The following MIA2 variants were observed in gnomAD, a reference collection of about 807,000 sequenced individuals.
The protein encoded by MIA2 is MIA SH3 domain ER export factor 2, also known as melanoma inhibitory activity protein 2.
MIA2 carries 127 observed loss-of-function variants against 167.8 expected under a neutral mutation model. The ratio of observed to expected loss-of-function variants is 0.76; its 90% CI spans 0.66 to 0.88. MIA2 has a LOEUF of 0.88. Ranked by LOEUF, MIA2 falls within the 40% of genes least tolerant of loss-of-function variation. The pLI is 0.00. For synonymous variants in MIA2, 552 were observed against 541.9 expected, an observed-to-expected ratio of 1.02 and a Z score of -0.26; for missense variants, 1,690 against 1,624.7, an observed-to-expected ratio of 1.04 and a Z score of -0.69.
downstream of MIA2, among the ~76,000 whole-genome samples, chr14:39,354,397 CTTG>C (rs552280483): frequency 4.6e-4 from 70 of 152,270 alleles, no homozygotes; most frequent in South Asian, 9.1e-3. Flanking sequence ...CCTTCACCCA[CTTG>C]TTGATGGGGC....
chr14:39,385,417 G>C, intron 23 of MIA2: 1 of 1,310,180 alleles, frequency 7.6e-7, no homozygotes, highest in South Asian at 1.2e-5. Flanking sequence ...TTCTGTACTT[G>C]ATGTGTTACT....
rs573281659 is a variant in MIA2, at chr14:39,273,488, G to A, written c.1888-3446G>A. 2.3e-4 allele frequency among the ~76,000 whole-genome samples: 35 copies of A among 152,178 alleles called. No individual in the cohort carries two copies. The South Asian group carries it at 6.9e-3, about 30-fold the overall frequency. On this transcript the variant is annotated intron_variant, in intron 6 of 28. Transcript: ENST00000640607. Reference sequence around the variant, plus strand: ...CCACCTCGGCCTTCTGAGTAGCTGGGACCACAGGCATGTGCCATCATGCTT... The same window carrying A: ...CCACCTCGGCCTTCTGAGTAGCTGGAACCACAGGCATGTGCCATCATGCTT...
intron 23 of MIA2, among the ~76,000 whole-genome samples, chr14:39,379,959 G>A (rs1015587539): frequency 1.3e-5 from 2 of 152,170 alleles, no homozygotes; most frequent in Admixed American, 6.5e-5. Flanking sequence ...ACCTCCTGCA[G>A]TGTGATTGCT....
chr14:39,261,957 G>A (rs1462098638), intron 6 of MIA2, among the ~76,000 whole-genome samples: 1 of 152,040 alleles, frequency 6.6e-6, no homozygotes, highest in Admixed American at 6.6e-5. Context: ...TCACTCTGAT[G>A]GTAGTTTCTT....
At chr14:39,245,394 C>CAA (rs142074391) in intron 3 of MIA2, among the ~76,000 whole-genome samples, 24 of 148,468 alleles carry the variant, frequency 1.6e-4, no homozygotes, top group African/African-American at 5.7e-4. Flanking sequence ...AGAAATATTG[C>CAA]AAAAAAAAAA....
In MIA2 at chr14:39,313,435, C is replaced by A; in HGVS notation, c.3113C>A (p.Thr1038Asn). Residue 1038 changes from threonine (T) to asparagine (N), a missense_variant, in exon 19 of 29, where the codon ACC becomes AAC. Coordinates refer to ENST00000640607, the MANE Select transcript of MIA2 (RefSeq NM_001329214.4). Reference sequence around the variant, plus strand: ...AGCCATGCCACTGAAGAGCTGGAGACCTATAGGTATTAAATACATTTTTCT... The same window carrying A: ...AGCCATGCCACTGAAGAGCTGGAGAACTATAGGTATTAAATACATTTTTCT... Reference protein sequence around the residue: ...KISHATEELETYRKRAKDLEE... With the variant: ...KISHATEELENYRKRAKDLEE... 1 of 1,571,128 alleles carries A rather than the reference C, an allele frequency of 6.4e-7. No homozygotes were observed. The highest frequency in any genetic ancestry group is 1.2e-5 in the South Asian group (1 of 84,196).
chr14:39,333,862 T>A (rs1184898404), intron 25 of MIA2, among the ~76,000 whole-genome samples: 2 of 152,188 alleles, frequency 1.3e-5, no homozygotes, highest in East Asian at 3.9e-4. Context: ...TCTAAATTGA[T>A]ACCTTCATAG....
chr14:39,267,226 G>A (rs2055934896), intron 6 of MIA2: 1 of 1,367,064 alleles, frequency 7.3e-7, no homozygotes, highest in East Asian at 2.9e-5. Context: ...GCTCGGACCT[G>A]CGCTGCCTCG....
Position 39,348,759 on chromosome 14 carries a change from A to AT in MIA2, c.3856dup (p.Ser1286PhefsTer6). ...TTGTTGTAGAATTTAAATGTGCCTGATTCATCTCTCCCTGCTGAAAATGAA... is the reference window on the plus strand; with the variant it reads ...TTGTTGTAGAATTTAAATGTGCCTGATTTCATCTCTCCCTGCTGAAAATGAA... On this transcript the variant is annotated frameshift_variant, in exon 28 of 29. Transcript: ENST00000640607. LOFTEE classifies it high-confidence loss of function. 6.2e-7 allele frequency: 1 copy of AT among 1,613,922 alleles called. No homozygotes were observed. The highest frequency in any genetic ancestry group is 1.3e-5 in the African/African-American group (1 of 75,030).
intron 24 of MIA2, among the ~76,000 whole-genome samples, chr14:39,323,826 C>T (rs59709960): frequency 0.065 from 9,963 of 152,144 alleles, 1,026 homozygotes; most frequent in African/African-American, 0.22. Context: ...GATTTCTCCT[C>T]TTCTATTTCC....
At chr14:39,280,229 A>G (rs1194198942) in intron 9 of MIA2, among the ~76,000 whole-genome samples, 2 of 152,104 alleles carry the variant, frequency 1.3e-5, no homozygotes, top group Non-Finnish European at 2.9e-5. Flanking sequence ...TTTTTTGCCA[A>G]TAACATGCTT....
At chr14:39,339,657 C>A (rs1164385398) in intron 25 of MIA2, among the ~76,000 whole-genome samples, 1 of 151,966 alleles carries the variant, frequency 6.6e-6, no homozygotes, top group Non-Finnish European at 1.5e-5. Flanking sequence ...TGAAACAGAT[C>A]TTTTTCTACA....
chr14:39,339,375 G>T (rs1172859059), intron 25 of MIA2, among the ~76,000 whole-genome samples: 1 of 152,130 alleles, frequency 6.6e-6, no homozygotes, highest in African/African-American at 2.4e-5. Flanking sequence ...TGTAGCTCAG[G>T]TTGGGATATA....
chr14:39,328,181 T>C (rs1370624930), intron 25 of MIA2, among the ~76,000 whole-genome samples: 2 of 152,252 alleles, frequency 1.3e-5, no homozygotes, highest in Non-Finnish European at 2.9e-5. Flanking sequence ...TGAGATGGTA[T>C]CTCATTGTGG....
intron 3 of MIA2, among the ~76,000 whole-genome samples, chr14:39,241,511 T>C (rs1056377493): frequency 2.0e-5 from 3 of 152,192 alleles, no homozygotes; most frequent in Non-Finnish European, 4.4e-5. Flanking sequence ...TGGAAAGCAG[T>C]GGTACAATCA....
chr14:39,347,153 G>A (rs1289206706), intron 26 of MIA2, among the ~76,000 whole-genome samples: 3 of 152,094 alleles, frequency 2.0e-5, no homozygotes, highest in Admixed American at 6.6e-5. Flanking sequence ...AAGGAAGTGA[G>A]GGAGGAAACT....
At chr14:39,387,165 A>G (rs1173632568) in exon 24 of MIA2, 2 of 504,256 alleles carry the variant, frequency 4.0e-6, no homozygotes, top group Non-Finnish European at 7.0e-6. Context: ...ACATTTTATA[A>G]GACTATAGCT....
intron 13 of MIA2, among the ~76,000 whole-genome samples, chr14:39,299,454 C>T (rs181204858): frequency 1.7e-4 from 26 of 151,840 alleles, no homozygotes; most frequent in African/African-American, 4.1e-4. Context: ...ACTACAGGCG[C>T]GTGCCACCAT....
chr14:39,386,563 C>G, intron 23 of MIA2: 1 of 1,209,014 alleles, frequency 8.3e-7, no homozygotes, highest in Non-Finnish European at 1.2e-6. Flanking sequence ...CTTTTGGTCT[C>G]TTTGTTATCA....
Sources: gnomAD v4.1 joint callset for allele counts (sites outside exome capture counted in the v4.1 genomes callset) on GRCh38, gnomAD v4.1.1 for gene constraint, MANE v1.5 for transcripts, NCBI Gene and HGNC (gene_info 2026-07-23, HGNC 2026-07-21) for gene names.